Variants in PDCD1LG2 observed in about 807,000 individuals in gnomAD.
The protein encoded by PDCD1LG2 is programmed cell death 1 ligand 2.
In PDCD1LG2, 32 loss-of-function variants were observed where a neutral mutation model predicts 28.2. The observed-to-expected ratio is 1.13, with a 90% CI of 0.86 to 1.52. The LOEUF is 1.52. Among genes scored for constraint, PDCD1LG2 ranks in the 40% most tolerant of loss-of-function variants. The pLI is 0.00. For missense variants in PDCD1LG2, 385 were observed against 323.8 expected, an observed-to-expected ratio of 1.19 and a Z score of -1.45; for synonymous variants, 116 against 120.2, an observed-to-expected ratio of 0.97 and a Z score of 0.23.
intron 6 of PDCD1LG2, among the ~76,000 whole-genome samples, chr9:5,565,197 T>G (rs1816639931): frequency 1.3e-5 from 2 of 152,214 alleles, no homozygotes; most frequent in Non-Finnish European, 1.5e-5. Context: ...TCAATTTTTT[T>G]TTAGAGACAG....
chr9:5,555,285 C>T (rs1000138780), intron 4 of PDCD1LG2, among the ~76,000 whole-genome samples: 2 of 152,096 alleles, frequency 1.3e-5, no homozygotes, highest in African/African-American at 4.8e-5. Context: ...GGCATGGTGG[C>T]AGGTGCCTGT....
chr9:5,511,029 G>A (rs1181211746), intron 1 of PDCD1LG2, among the ~76,000 whole-genome samples: 3 of 152,170 alleles, frequency 2.0e-5, no homozygotes, highest in Non-Finnish European at 2.9e-5. Flanking sequence ...AGTTTTATAA[G>A]GTGAGATATT....
intron 5 of PDCD1LG2, 26 bp from the exon 6 acceptor site, chr9:5,563,136 C>G (rs769981953): frequency 1.3e-6 from 2 of 1,568,864 alleles, no homozygotes; most frequent in Non-Finnish European, 1.8e-6. Flanking sequence ...TAATCTTATT[C>G]CATTTCTGGA....
chr9:5,554,386 T>G (rs992662433), intron 4 of PDCD1LG2, among the ~76,000 whole-genome samples: 1 of 152,214 alleles, frequency 6.6e-6, no homozygotes, highest in African/African-American at 2.4e-5. Flanking sequence ...AAGTCACACA[T>G]CTGCCTCTGA....
At chr9:5,533,075 G>A (rs1820513314) in intron 2 of PDCD1LG2, among the ~76,000 whole-genome samples, 1 of 152,148 alleles carries the variant, frequency 6.6e-6, no homozygotes, top group African/African-American at 2.4e-5. Flanking sequence ...ACAACTTCTG[G>A]AATAGCTAAT....
intron 3 of PDCD1LG2, among the ~76,000 whole-genome samples, chr9:5,547,927 ACT>A (rs139269408): frequency 0.048 from 6,933 of 144,862 alleles, 569 homozygotes; most frequent in African/African-American, 0.17. Context: ...GACGAGCGAA[ACT>A]CTGTCTCAAA....
chr9:5,526,030 G>C lies in PDCD1LG2; in HGVS notation c.55+3429G>C, dbSNP rs1483980316. 2.8e-5 allele frequency among the ~76,000 whole-genome samples: 4 copies of C among 143,998 alleles called. No individual in the cohort carries two copies. The East Asian group carries it at 8.2e-4, about 30-fold the overall frequency. 94.5% of individuals were successfully genotyped at this position (143,998 alleles called of 152,430 possible). On this transcript the variant is annotated intron_variant, in intron 2 of 6. Coordinates refer to ENST00000397747, the MANE Select transcript of PDCD1LG2 (RefSeq NM_025239.4). ...CCACTGCACTCTAGCCTGGGCGACA[G>C]AGTGAGACTCCGTCTCAAAAAAAAA...
chr9:5,516,717 G>A (rs1258195172), intron 1 of PDCD1LG2, among the ~76,000 whole-genome samples: 1 of 152,246 alleles, frequency 6.6e-6, no homozygotes, highest in East Asian at 1.9e-4. Context: ...GCAGCAGGGG[G>A]CTAGTGTGTC....
chr9:5,521,133 A>T (rs1196773491), intron 1 of PDCD1LG2, among the ~76,000 whole-genome samples: 1 of 152,220 alleles, frequency 6.6e-6, no homozygotes, highest in African/African-American at 2.4e-5. Context: ...ATATTGCTTG[A>T]TTCCATTTTT....
intron 2 of PDCD1LG2, among the ~76,000 whole-genome samples, chr9:5,529,873 A>G (rs182670382): frequency 1.3e-5 from 2 of 152,326 alleles, no homozygotes; most frequent in Admixed American, 1.3e-4. Flanking sequence ...GTCTCCATGC[A>G]GTCCTCCTAC....
intron 3 of PDCD1LG2, among the ~76,000 whole-genome samples, chr9:5,538,690 A>G (rs1334723599): frequency 6.6e-6 from 1 of 152,066 alleles, no homozygotes; most frequent in Non-Finnish European, 1.5e-5. Flanking sequence ...TCTGTCTCAA[A>G]AAAAGAAAAA....
rs139524609 is a variant in PDCD1LG2, at chr9:5,543,538, C to CAAAAAAAAAAAAAA, written c.362-5788_362-5775dup. Among the ~76,000 whole-genome samples the CAAAAAAAAAAAAAA allele has an allele frequency of 5.4e-5, 4 of 73,692 alleles. 1 individual carries two copies. The highest frequency in any genetic ancestry group is 8.5e-5 in the Non-Finnish European group (3 of 35,222). The allele number at this position is 73,692 out of a possible 152,430, so 48.3% of individuals were successfully genotyped here. A position where few individuals can be genotyped will look rare whatever the true frequency, so the allele number is the denominator to read the frequency against. ...TGGGCGACAGAGCGAGACTCCGTCT[C>CAAAAAAAAAAAAAA]AAAAAAAAAAAAAAAAAAAAAATGG... is the stretch of plus-strand genomic sequence containing the variant. On this transcript the variant is annotated intron_variant, in intron 3 of 6. Coordinates refer to ENST00000397747, the MANE Select transcript of PDCD1LG2 (RefSeq NM_025239.4).
chr9:5,525,443 A>G (rs1453320972), intron 2 of PDCD1LG2, among the ~76,000 whole-genome samples: 1 of 151,688 alleles, frequency 6.6e-6, no homozygotes, highest in African/African-American at 2.4e-5. Flanking sequence ...TGATTCCAGG[A>G]GTAGGTCTAG....
rs763337680 is a variant in PDCD1LG2 at position 5,565,255 on chromosome 9, T to C, written c.816+2044T>C. ...TGGAGTGCAGTGGTATGACCGTGGC[T>C]CACTGCAGCCTCAACTTTTGGACTC... On this transcript the variant is annotated intron_variant, in intron 6 of 6. Coordinates refer to ENST00000397747, the MANE Select transcript of PDCD1LG2 (RefSeq NM_025239.4). 2.7e-4 allele frequency among the ~76,000 whole-genome samples: 41 copies of C among 152,180 alleles called. 1 individual carries two copies. Among genetic ancestry groups the C allele is most frequent in the South Asian group, 2.1e-4 (1 of 4,834 alleles).
chr9:5,534,486 C>T (rs1442744206), intron 2 of PDCD1LG2, among the ~76,000 whole-genome samples: 2 of 151,998 alleles, frequency 1.3e-5, no homozygotes, highest in Non-Finnish European at 2.9e-5. Context: ...TGCTGGGGTG[C>T]CCAGAGAGGA....
chr9:5,545,390 C>T (rs1402170811), intron 3 of PDCD1LG2, among the ~76,000 whole-genome samples: 2 of 152,220 alleles, frequency 1.3e-5, no homozygotes, highest in Non-Finnish European at 2.9e-5. Context: ...TGAAGAAAAT[C>T]TTTCCAATGG....
intron 3 of PDCD1LG2, among the ~76,000 whole-genome samples, chr9:5,542,666 T>C (rs1331444397): frequency 6.6e-6 from 1 of 151,982 alleles, no homozygotes; most frequent in Non-Finnish European, 1.5e-5. Flanking sequence ...AGAATGGCCA[T>C]AACAAAAAAA....
At chr9:5,521,159 T>A (rs1054378326) in intron 1 of PDCD1LG2, among the ~76,000 whole-genome samples, 3 of 152,088 alleles carry the variant, frequency 2.0e-5, no homozygotes, top group African/African-American at 7.2e-5. Context: ...ATATCCAGAA[T>A]AAGCAATTGA....
intron 3 of PDCD1LG2, among the ~76,000 whole-genome samples, chr9:5,542,943 A>G (rs1039501317): frequency 2.6e-5 from 4 of 152,174 alleles, no homozygotes; most frequent in African/African-American, 7.2e-5. Flanking sequence ...ATGCCCATCA[A>G]TCAGTGAGTG....
Sources: allele counts gnomAD v4.1 joint callset (sites outside exome capture counted in the v4.1 genomes callset), GRCh38; gene constraint gnomAD v4.1.1; transcripts MANE v1.5; gene names NCBI Gene and HGNC (gene_info 2026-07-23, HGNC 2026-07-21).